The following SMAD3 variants were observed in gnomAD, a reference collection of about 807,000 sequenced individuals.
SMAD3 encodes the protein MAD homolog 3.
In SMAD3, 12 loss-of-function variants were observed where a neutral mutation model predicts 51.8. The observed-to-expected ratio is 0.23, with a 90% confidence interval of 0.15 to 0.38. The LOEUF (loss-of-function observed/expected upper bound fraction) is 0.38, where lower values mean the gene tolerates loss of function less well. SMAD3 is among the 10% of genes least tolerant of loss of function. The pLI is 1.00. For missense variants in SMAD3, 294 were observed against 565.6 expected (o/e 0.52, Z 4.87); for synonymous variants, 238 against 227.7 (o/e 1.05, Z -0.41).
At chr15:67,186,643 T>G (rs1005001808) in intron 7 of SMAD3, 2 of 156,974 alleles carry the variant, frequency 1.3e-5, no homozygotes, top group Non-Finnish European at 2.8e-5. Context: ...CGACATTTAT[T>G]TTAAACTTTA....
chr15:67,084,097 A>C (rs1484936077), intron 1 of SMAD3, among the ~76,000 whole-genome samples: 1 of 90,846 alleles, frequency 1.1e-5, no homozygotes, highest in Non-Finnish European at 2.0e-5. Context: ...TTTTTTTGAG[A>C]TGGAGTCTCG....
At chr15:67,172,413 A>C (rs892707924) in intron 5 of SMAD3, among the ~76,000 whole-genome samples, 4 of 152,194 alleles carry the variant, frequency 2.6e-5, no homozygotes, top group African/African-American at 9.7e-5. Flanking sequence ...CACCGTGCTG[A>C]CAGGCCTGGC....
At chr15:67,098,964 A>G in intron 1 of SMAD3, 1 of 702,432 alleles carries the variant, frequency 1.4e-6, no homozygotes, top group Non-Finnish European at 2.6e-6. Context: ...AATGCTTCAC[A>G]AATGTGGACT....
chr15:67,176,032 G>A (rs1197080202), intron 5 of SMAD3, among the ~76,000 whole-genome samples: 2 of 152,206 alleles, frequency 1.3e-5, no homozygotes, highest in African/African-American at 4.8e-5. Context: ...ACTGTTCCTG[G>A]TTGCAGTATG....
chr15:67,078,884 G>A (rs1023460385), intron 1 of SMAD3, among the ~76,000 whole-genome samples: 1 of 152,144 alleles, frequency 6.6e-6, no homozygotes, highest in East Asian at 1.9e-4. Context: ...CCCTCAAGGA[G>A]GGATGTTATT....
intron 1 of SMAD3, chr15:67,142,593 C>T (rs942964140): frequency 2.4e-5 from 6 of 249,656 alleles, no homozygotes; most frequent in Admixed American, 5.2e-5. Context: ...ATCTGTACCC[C>T]ACCCCCAATT....
intron 1 of SMAD3, among the ~76,000 whole-genome samples, chr15:67,153,755 C>T: frequency 6.6e-6 from 1 of 152,188 alleles, no homozygotes; most frequent in East Asian, 1.9e-4. Flanking sequence ...CAAAGATTAG[C>T]CCAAAACATC....
intron 1 of SMAD3, among the ~76,000 whole-genome samples, chr15:67,143,968 CTT>C (rs60425554): frequency 1.4e-5 from 2 of 145,274 alleles, no homozygotes; most frequent in African/African-American, 5.0e-5. Context: ...TGTGCCCTGC[CTT>C]TTTTTTTTTT....
At position 67,150,618 on chromosome 15, in the gene SMAD3, A is replaced by T. The variant is rs193193326; in HGVS notation, c.207-14277A>T. On this transcript the variant is annotated intron_variant, in intron 1 of 8. Transcript: ENST00000327367. ...GGAACCAGGTCTGGGAAAAGAGGGC[A>T]GAGAGAGGATACCCAGACCTAATGG... 5.9e-5 allele frequency among the ~76,000 whole-genome samples: 9 copies of T among 152,296 alleles called. No individual in the cohort carries two copies. The East Asian group carries it at 1.7e-3, about 29-fold the overall frequency.
At chr15:67,145,222 A>G (rs1017618738) in intron 1 of SMAD3, among the ~76,000 whole-genome samples, 12 of 152,204 alleles carry the variant, frequency 7.9e-5, no homozygotes, top group Admixed American at 5.9e-4. Flanking sequence ...CCCATTTTAT[A>G]GGTGAGGAAG....
At chr15:67,170,663 G>T in intron 5 of SMAD3, 59 bp downstream of exon 5, 1 of 1,485,002 alleles carries the variant, frequency 6.7e-7, no homozygotes, top group Non-Finnish European at 9.4e-7. Flanking sequence ...CTGGCGAGTC[G>T]CCAGTGTGGG....
intron 1 of SMAD3, among the ~76,000 whole-genome samples, chr15:67,157,602 T>C (rs1962318231): frequency 6.6e-6 from 1 of 152,254 alleles, no homozygotes; most frequent in African/African-American, 2.4e-5. Flanking sequence ...TGTGCTGTGC[T>C]CCTCACCTTC....
At chr15:67,073,996 C>T (rs932461057) in intron 1 of SMAD3, among the ~76,000 whole-genome samples, 3 of 152,190 alleles carry the variant, frequency 2.0e-5, no homozygotes, top group African/African-American at 7.2e-5. Context: ...TTAAAAGCTC[C>T]CAGTTGCACG....
Position 67,150,412 on chromosome 15 carries a change from C to T in SMAD3, c.207-14483C>T, listed in dbSNP as rs535960435. ...AAGATTTGTTTTGATAGAACAAGGC[C>T]GCCAGTTATCATCGCCTGGTTCCAC... On this transcript the variant is annotated intron_variant, in intron 1 of 8. Transcript: ENST00000327367. Among the ~76,000 whole-genome samples, 6 of 152,214 alleles carry T rather than the reference C, an allele frequency of 3.9e-5. No individual in the cohort carries two copies. The East Asian group carries it at 7.7e-4, about 20-fold the overall frequency.
chr15:67,111,014 C>T (rs914268338), intron 1 of SMAD3, among the ~76,000 whole-genome samples: 1 of 152,182 alleles, frequency 6.6e-6, no homozygotes, highest in African/African-American at 2.4e-5. Flanking sequence ...ATTCATACAC[C>T]ATAAATCTGC....
intron 1 of SMAD3, among the ~76,000 whole-genome samples, chr15:67,135,577 C>G (rs910069251): frequency 1.3e-5 from 2 of 152,082 alleles, no homozygotes; most frequent in African/African-American, 4.8e-5. Flanking sequence ...CTTTTCTTCC[C>G]TGTAATAACA....
At chr15:67,143,521 G>A (rs926756465) in intron 1 of SMAD3, among the ~76,000 whole-genome samples, 1 of 152,164 alleles carries the variant, frequency 6.6e-6, no homozygotes, top group Admixed American at 6.5e-5. Flanking sequence ...TGGAACCTCC[G>A]CCTCCCAGGT....
intron 1 of SMAD3, among the ~76,000 whole-genome samples, chr15:67,132,046 A>G (rs1237450483): frequency 1.3e-5 from 2 of 152,082 alleles, no homozygotes; most frequent in African/African-American, 4.8e-5. Flanking sequence ...GGTATCTCCT[A>G]TGCCCAAGCA....
At chr15:67,159,845 A>T (rs960016881) in intron 1 of SMAD3, among the ~76,000 whole-genome samples, 1 of 152,228 alleles carries the variant, frequency 6.6e-6, no homozygotes, top group African/African-American at 2.4e-5. Flanking sequence ...ATAGCGTTGC[A>T]TGTATCAGTA....
Sources: allele counts gnomAD v4.1 joint callset (sites outside exome capture counted in the v4.1 genomes callset), GRCh38; gene constraint gnomAD v4.1.1; transcripts MANE v1.5; gene names NCBI Gene and HGNC (gene_info 2026-07-23, HGNC 2026-07-21).